The following STAMBPL1 variants were observed in gnomAD, a reference collection of about 807,000 sequenced individuals.
The protein encoded by STAMBPL1 is AMSH-like protease.
A neutral mutation model predicts 52.9 loss-of-function variants in STAMBPL1; 44 were observed. That is an observed-to-expected ratio of 0.83 (90% CI 0.65 to 1.07). STAMBPL1 has a LOEUF of 1.07. Among genes scored for constraint, STAMBPL1 ranks in the 50% least tolerant of loss-of-function variants. STAMBPL1 has a pLI of 0.00. For synonymous variants in STAMBPL1, 164 were observed against 177.3 expected, an observed-to-expected ratio of 0.92 and a Z score of 0.60; for missense variants, 511 against 520.8, an observed-to-expected ratio of 0.98 and a Z score of 0.18.
intron 10 of STAMBPL1, 56 bp downstream of exon 10, chr10:88,922,492 A>G (rs989453584): frequency 1.1e-5 from 17 of 1,514,716 alleles, no homozygotes; most frequent in South Asian, 5.7e-5. Context: ...TGCCCCCCCA[A>G]TCTGTTTTTA....
chr10:88,914,969 T>C (rs1845332797), intron 7 of STAMBPL1, among the ~76,000 whole-genome samples: 1 of 152,172 alleles, frequency 6.6e-6, no homozygotes, highest in African/African-American at 2.4e-5. Flanking sequence ...ATCTATCTGG[T>C]TGCCAAATCA....
At position 88,914,598 on chromosome 10, in the gene STAMBPL1, A is replaced by G. The variant is rs771385050; in HGVS notation, c.843A>G (p.Gln281=). 2.6e-6 allele frequency: 4 copies of G among 1,540,112 alleles called. No homozygotes were observed. In the Admixed American group the frequency reaches 5.7e-5, roughly 22 times the overall value. ...LPEDLCHKFL[Q]LAESNTVRGI... ...AAGATCTTTGCCACAAATTTCTGCA[A>G]CTGGCAGAATCTAATACAGTGAGAG... The change falls in exon 7 of 11, where the codon CAA becomes CAG. Residue 281 remains glutamine (Q), a synonymous_variant. Coordinates refer to ENST00000371926, the MANE Select transcript of STAMBPL1 (RefSeq NM_020799.4).
At chr10:88,923,123 A>G (rs575598314) in intron 10 of STAMBPL1, 45 bp from the exon 11 acceptor site, 2 of 1,350,670 alleles carry the variant, frequency 1.5e-6, no homozygotes, top group Non-Finnish European at 2.1e-6. Flanking sequence ...GGTAAACATT[A>G]TGGTGAAATC....
In STAMBPL1 at chr10:88,914,677, A is replaced by AT. The variant is rs1554838794; in HGVS notation, c.903+19_903+20insT. The AT allele has an allele frequency of 1.3e-5, 11 of 851,172 alleles. No individual in the cohort carries two copies. Among genetic ancestry groups the AT allele is most frequent in the South Asian group, 8.9e-5 (2 of 22,456 alleles). 52.7% of individuals were successfully genotyped at this position (851,172 alleles called of 1,614,324 possible). A position where few individuals can be genotyped will look rare whatever the true frequency, so the allele number is the denominator to read the frequency against. On this transcript the variant is annotated intron_variant, in intron 7 of 10. Coordinates refer to ENST00000371926, the MANE Select transcript of STAMBPL1 (RefSeq NM_020799.4). ...AAAACTGGTATGATCTTTTTATATAAATATATATATATATATATCTGCATA... is the reference window on the plus strand; with the variant it reads ...AAAACTGGTATGATCTTTTTATATAATATATATATATATATATATCTGCATA...
At chr10:88,884,705 T>C (rs1844486444) in intron 1 of STAMBPL1, among the ~76,000 whole-genome samples, 1 of 152,206 alleles carries the variant, frequency 6.6e-6, no homozygotes, top group South Asian at 2.1e-4. Flanking sequence ...AACCTCAGAA[T>C]CTTGCAAACA....
rs181531035 is a variant in STAMBPL1, at chr10:88,889,147, A to G, written c.-54+8509A>G. On this transcript the variant is annotated intron_variant, in intron 1 of 10. Coordinates refer to ENST00000371926, the MANE Select transcript of STAMBPL1 (RefSeq NM_020799.4). ...CCTTTCTAACAGTTTCATATGCTATAGAGATTCTTTATTTTAAGTATTCCT... is the reference window on the plus strand; with the variant it reads ...CCTTTCTAACAGTTTCATATGCTATGGAGATTCTTTATTTTAAGTATTCCT... Among the ~76,000 whole-genome samples, 267 of 152,348 alleles carry G rather than the reference A, an allele frequency of 1.8e-3. 1 individual carries two copies. The highest frequency in any genetic ancestry group is 6.1e-3 in the African/African-American group (255 of 41,586).
Position 88,905,679 on chromosome 10 carries a change from T to G in STAMBPL1, c.248+19T>G. ...TTATAACGTAAGTGTTTTAAAGGCCTCTGAAGTGAGAAAATTGGAAAAATA... is the reference window on the plus strand; with the variant it reads ...TTATAACGTAAGTGTTTTAAAGGCCGCTGAAGTGAGAAAATTGGAAAAATA... On this transcript the variant is annotated intron_variant, in intron 3 of 10. Transcript: ENST00000371926. 1.3e-6 allele frequency: 2 copies of G among 1,585,270 alleles called. No individual in the cohort carries two copies. The highest frequency in any genetic ancestry group is 1.7e-6 in the Non-Finnish European group (2 of 1,160,988).
chr10:88,911,605 G>A (rs1166978943), intron 5 of STAMBPL1, among the ~76,000 whole-genome samples: 3 of 152,168 alleles, frequency 2.0e-5, no homozygotes, highest in African/African-American at 7.2e-5. Context: ...GGATACTCAC[G>A]TTCAACATAG....
In STAMBPL1 at chr10:88,923,265, T is replaced by A; in HGVS notation, c.*41T>A. On this transcript the variant is annotated 3_prime_UTR_variant, in exon 11 of 11. Coordinates refer to ENST00000371926, the MANE Select transcript of STAMBPL1 (RefSeq NM_020799.4). ...AGCACCGTCAACATCAGACACCTAC[T>A]CATGGACATGTGGTTGCCGGATTTT... is the stretch of plus-strand genomic sequence containing the variant. 10 of 1,554,116 alleles carry A rather than the reference T, an allele frequency of 6.4e-6. No homozygotes were observed. The highest frequency in any genetic ancestry group is 8.6e-6 in the Non-Finnish European group (10 of 1,157,942).
chr10:88,899,162 G>GT (rs1215353360), intron 1 of STAMBPL1, among the ~76,000 whole-genome samples: 1 of 151,932 alleles, frequency 6.6e-6, no homozygotes, highest in Non-Finnish European at 1.5e-5. Context: ...AGAAGTTTGT[G>GT]TTTTTTTTCA....
rs1171624878 is a variant in STAMBPL1, at chr10:88,910,953, T to A, written c.362T>A (p.Leu121Ter). The A allele has an allele frequency of 1.3e-6, 2 of 1,599,026 alleles. No homozygotes were observed. Among genetic ancestry groups the A allele is most frequent in the Non-Finnish European group, 1.7e-6 (2 of 1,175,180 alleles). Reference protein sequence around the residue: ...KEIAFPRTDELKNDLLKKYNV... With the variant: ...KEIAFPRTDE ...ATTGCATTCCCAAGGACAGATGAAT[T>A]GAAAAACGACCTTTTAAAGAAATAT... Residue 121 changes from leucine to a stop codon, truncating the protein, a stop_gained, in exon 5 of 11, where the codon TTG becomes TAG. Coordinates refer to ENST00000371926, the MANE Select transcript of STAMBPL1 (RefSeq NM_020799.4). LOFTEE classifies it high-confidence loss of function.
chr10:88,895,345 G>C (rs1844786064), intron 1 of STAMBPL1, among the ~76,000 whole-genome samples: 1 of 152,214 alleles, frequency 6.6e-6, no homozygotes, highest in Non-Finnish European at 1.5e-5. Flanking sequence ...CTGACTACAA[G>C]GGAGACTGAG....
chr10:88,886,907 T>C (rs997927803), intron 1 of STAMBPL1, among the ~76,000 whole-genome samples: 4 of 151,820 alleles, frequency 2.6e-5, no homozygotes, highest in Admixed American at 6.6e-5. Flanking sequence ...ATTTGGCTCA[T>C]CTGAGGACCC....
chr10:88,908,814 G>T (rs753385909), intron 4 of STAMBPL1, 37 bp downstream of exon 4: 7 of 1,504,828 alleles, frequency 4.7e-6, no homozygotes, highest in Middle Eastern at 1.7e-4. Flanking sequence ...GGAATCAAAT[G>T]CTCCATAAGT....
At chr10:88,921,489 G>T in intron 9 of STAMBPL1, 94 bp downstream of exon 9, 1 of 965,780 alleles carries the variant, frequency 1.0e-6, no homozygotes, top group South Asian at 1.4e-5. Flanking sequence ...TACTTGGATT[G>T]GCAAGCACAC....
intron 1 of STAMBPL1, among the ~76,000 whole-genome samples, chr10:88,897,289 G>A (rs1487842500): frequency 6.6e-6 from 1 of 152,268 alleles, no homozygotes. Context: ...GCCTCCATGT[G>A]CTCATTGTGA....
intron 1 of STAMBPL1, among the ~76,000 whole-genome samples, chr10:88,897,601 G>A (rs1037587934): frequency 1.3e-5 from 2 of 152,130 alleles, no homozygotes; most frequent in Non-Finnish European, 2.9e-5. Context: ...AGATTAAAGC[G>A]GGCGTTTCTG....
chr10:88,916,821 CG>C lies in STAMBPL1; in HGVS notation c.1041+5del. 1.3e-6 allele frequency: 2 copies of C among 1,556,108 alleles called. No homozygotes were observed. The highest frequency in any genetic ancestry group is 1.7e-6 in the Non-Finnish European group (2 of 1,151,182). ...CCTCACTCTAGGATGGATCCATGTA[CG>C]TTTGACCTTTTGGGTTTCAGTTTTT... On this transcript the variant is annotated splice_donor_5th_base_variant and intron_variant, in intron 8 of 10. Coordinates refer to ENST00000371926, the MANE Select transcript of STAMBPL1 (RefSeq NM_020799.4).
At chr10:88,908,618 A>G in intron 3 of STAMBPL1, 84 bp from the exon 4 acceptor site, 1 of 1,152,544 alleles carries the variant, frequency 8.7e-7, no homozygotes, top group Non-Finnish European at 1.3e-6. Context: ...TCATTTTTGA[A>G]AAAGGATCCT....
Sources: allele counts gnomAD v4.1 joint callset (sites outside exome capture counted in the v4.1 genomes callset), GRCh38; gene constraint gnomAD v4.1.1; transcripts MANE v1.5; gene names NCBI Gene and HGNC (gene_info 2026-07-23, HGNC 2026-07-21).